The following AGBL4 variants were observed in gnomAD, a reference collection of about 807,000 sequenced individuals.
AGBL4 encodes AGBL carboxypeptidase 4, also known as cytosolic carboxypeptidase 6.
In AGBL4, 58 loss-of-function variants were observed where a neutral mutation model predicts 66.4. That is an observed-to-expected ratio of 0.87 (90% CI 0.71 to 1.09). The LOEUF is 1.09. Among genes scored for constraint, AGBL4 ranks in the 50% least tolerant of loss-of-function variants. The pLI is 0.00. For synonymous variants in AGBL4, 234 were observed against 222.9 expected (o/e 1.05, Z -0.44); for missense variants, 579 against 631.0 (o/e 0.92, Z 0.88).
At chr1:49,645,396 C>CA (rs917663726) in intron 3 of AGBL4, among the ~76,000 whole-genome samples, 15 of 105,780 alleles carry the variant, frequency 1.4e-4, no homozygotes, top group African/African-American at 4.2e-4. Context: ...CTATAATTAT[C>CA]AAAAAAAATT....
intron 5 of AGBL4, among the ~76,000 whole-genome samples, chr1:48,895,088 C>T (rs1651370929): frequency 1.3e-5 from 2 of 152,236 alleles, no homozygotes; most frequent in African/African-American, 2.4e-5. Flanking sequence ...GATTTTAGGG[C>T]ATGTTCCCTC....
intron 4 of AGBL4, among the ~76,000 whole-genome samples, chr1:49,084,486 T>A (rs1013395212): frequency 6.6e-6 from 1 of 152,128 alleles, no homozygotes. Context: ...GAGTGCTTGT[T>A]CAGGGGAGCT....
At chr1:49,725,250 A>G (rs753760878) in intron 2 of AGBL4, among the ~76,000 whole-genome samples, 5 of 152,152 alleles carry the variant, frequency 3.3e-5, no homozygotes, top group Non-Finnish European at 7.3e-5. Context: ...TCCTATTCCC[A>G]TAACATTTGG....
At chr1:49,456,664 GCACCCAT>G (rs899254136) in intron 3 of AGBL4, among the ~76,000 whole-genome samples, 3 of 151,496 alleles carry the variant, frequency 2.0e-5, no homozygotes, top group African/African-American at 7.3e-5. Flanking sequence ...AGATTTTGGT[GCACCCAT>G]CACCCAAGCA....
intron 1 of AGBL4, among the ~76,000 whole-genome samples, chr1:49,936,120 A>G (rs906153910): frequency 6.6e-6 from 1 of 152,210 alleles, no homozygotes; most frequent in Non-Finnish European, 1.5e-5. Context: ...AACTAGAATA[A>G]CCAATATACA....
intron 6 of AGBL4, among the ~76,000 whole-genome samples, chr1:48,748,438 A>G (rs1039084829): frequency 6.6e-6 from 1 of 152,224 alleles, no homozygotes; most frequent in African/African-American, 2.4e-5. Flanking sequence ...CAGTGGAAAG[A>G]GACAGGCAGC....
At position 49,037,242 on chromosome 1, in the gene AGBL4, A is replaced by T. The variant is rs571698337; in HGVS notation, c.594+8342T>A. ...CAATTTCTTAAGGTTTTCTTATGTC[A>T]TTCCTATTATTATATATGTAGTCTT... On this transcript the variant is annotated intron_variant, in intron 5 of 13. Coordinates refer to ENST00000371839, the MANE Select transcript of AGBL4 (RefSeq NM_032785.4). 1.6e-3 allele frequency among the ~76,000 whole-genome samples: 247 copies of T among 152,074 alleles called. 2 individuals are homozygous for T. The highest frequency in any genetic ancestry group is 6.8e-3 in the Middle Eastern group (2 of 294).
At chr1:49,908,064 A>C (rs1278297928) in intron 1 of AGBL4, among the ~76,000 whole-genome samples, 1 of 152,210 alleles carries the variant, frequency 6.6e-6, no homozygotes, top group Non-Finnish European at 1.5e-5. Flanking sequence ...GCTGAGATAA[A>C]TAAAACTTTG....
rs958383382 is a variant in AGBL4 at position 49,566,771 on chromosome 1, C to G, written c.282+130542G>C. Among the ~76,000 whole-genome samples, 3 of 129,808 alleles carry G rather than the reference C, an allele frequency of 2.3e-5. No individual in the cohort carries two copies. The Admixed American group carries it at 2.4e-4, about 11-fold the overall frequency. 85.2% of individuals were successfully genotyped at this position (129,808 alleles called of 152,430 possible). A position where few individuals can be genotyped will look rare whatever the true frequency, so the allele number is the denominator to read the frequency against. ...GGGACCCCTTGAGGAGGCAGTCTGC[C>G]CATTCTCAGATCTCAAGCTGCGTGC... On this transcript the variant is annotated intron_variant, in intron 3 of 13. Coordinates refer to ENST00000371839, the MANE Select transcript of AGBL4 (RefSeq NM_032785.4).
At chr1:49,744,455 T>C (rs969858205) in intron 2 of AGBL4, among the ~76,000 whole-genome samples, 44 of 152,212 alleles carry the variant, frequency 2.9e-4, no homozygotes, top group Middle Eastern at 3.4e-3. Flanking sequence ...CCTCTTTTCT[T>C]TGTAAATTAA....
chr1:49,704,568 C>T (rs1234627981), intron 2 of AGBL4, among the ~76,000 whole-genome samples: 2 of 151,910 alleles, frequency 1.3e-5, no homozygotes, highest in Admixed American at 1.3e-4. Context: ...CTAGGTCTTA[C>T]CTTTAAATTT....
At chr1:49,615,861 CTT>C (rs1009055334) in intron 3 of AGBL4, among the ~76,000 whole-genome samples, 4 of 152,094 alleles carry the variant, frequency 2.6e-5, no homozygotes, top group African/African-American at 9.7e-5. Context: ...TTTAATGACA[CTT>C]TTCCTGATCT....
intron 5 of AGBL4, among the ~76,000 whole-genome samples, chr1:49,033,990 G>A (rs1269225485): frequency 6.6e-6 from 1 of 151,888 alleles, no homozygotes; most frequent in Non-Finnish European, 1.5e-5. Context: ...CCAAAAGATT[G>A]CAGAACTGGG....
chr1:49,329,671 C>A (rs960915774), intron 3 of AGBL4, among the ~76,000 whole-genome samples: 1 of 150,440 alleles, frequency 6.6e-6, no homozygotes, highest in African/African-American at 2.4e-5. Flanking sequence ...CCGCCCCCCG[C>A]CAAAAAAAAG....
chr1:49,053,683 T>A (rs769447146), intron 4 of AGBL4, among the ~76,000 whole-genome samples: 1 of 152,190 alleles, frequency 6.6e-6, no homozygotes, highest in Non-Finnish European at 1.5e-5. Flanking sequence ...TATTTTCTTG[T>A]TTAGTTAAAA....
intron 3 of AGBL4, among the ~76,000 whole-genome samples, chr1:49,627,336 C>A (rs186329543): frequency 1.6e-4 from 24 of 152,060 alleles, no homozygotes; most frequent in Non-Finnish European, 2.9e-4. Flanking sequence ...AAGCATCTAC[C>A]ATGGAAGAGG....
intron 2 of AGBL4, among the ~76,000 whole-genome samples, chr1:49,826,764 C>G (rs1313259040): frequency 1.3e-5 from 2 of 152,110 alleles, no homozygotes; most frequent in East Asian, 3.8e-4. Flanking sequence ...TTTTGTGCAC[C>G]TATTAAGAGC....
At chr1:49,328,771 T>C (rs1645273114) in intron 3 of AGBL4, among the ~76,000 whole-genome samples, 1 of 152,220 alleles carries the variant, frequency 6.6e-6, no homozygotes, top group Non-Finnish European at 1.5e-5. Context: ...GAATAGCCAT[T>C]CACCCTCCCC....
At chr1:48,875,933 T>A (rs1401599442) in intron 5 of AGBL4, among the ~76,000 whole-genome samples, 1 of 152,018 alleles carries the variant, frequency 6.6e-6, no homozygotes, top group African/African-American at 2.4e-5. Flanking sequence ...GTGACAGCAG[T>A]TAGTTGTGAG....
Sources: gnomAD v4.1 joint callset for allele counts (sites outside exome capture counted in the v4.1 genomes callset) on GRCh38, gnomAD v4.1.1 for gene constraint, MANE v1.5 for transcripts, NCBI Gene and HGNC (gene_info 2026-07-23, HGNC 2026-07-21) for gene names.